NALF1: variants seen among roughly 807,000 people sequenced by gnomAD.
NALF1 encodes the protein NALCN channel auxiliary factor 1.
Under a neutral mutation model 48.4 loss-of-function variants are expected in NALF1, and 3 were observed. That is an observed-to-expected ratio of 0.06 (90% confidence interval 0.03 to 0.16). NALF1 has a LOEUF of 0.16. NALF1 is among the 10% of genes least tolerant of loss of function. The pLI, the probability that NALF1 is intolerant of heterozygous loss-of-function variation, is 1.00. For synonymous variants in NALF1, 262 were observed against 245.7 expected (o/e 1.07, Z -0.62); for missense variants, 526 against 571.5 (o/e 0.92, Z 0.81).
intron 1 of NALF1, among the ~76,000 whole-genome samples, chr13:107,703,083 A>G (rs1881863335): frequency 6.6e-6 from 1 of 152,134 alleles, no homozygotes. Flanking sequence ...TGCTGGGTCA[A>G]ATGGTATTTC....
intron 1 of NALF1, among the ~76,000 whole-genome samples, chr13:107,464,582 G>A (rs932400687): frequency 3.3e-5 from 5 of 151,830 alleles, no homozygotes; most frequent in South Asian, 2.1e-4. Context: ...GTGCAATGGC[G>A]CAATCTCGAC....
intron 1 of NALF1, among the ~76,000 whole-genome samples, chr13:107,803,461 T>TA (rs557221743): frequency 3.9e-5 from 6 of 151,932 alleles, no homozygotes; most frequent in South Asian, 4.2e-4. Context: ...TAAGAACCTT[T>TA]AAAAAAAATG....
intron 1 of NALF1, among the ~76,000 whole-genome samples, chr13:107,425,721 T>C (rs1283165037): frequency 6.6e-6 from 1 of 152,168 alleles, no homozygotes; most frequent in African/African-American, 2.4e-5. Context: ...TACTATGATG[T>C]TGAATATCTG....
chr13:107,230,286 GA>G (rs1488792004), intron 1 of NALF1, among the ~76,000 whole-genome samples: 2 of 151,820 alleles, frequency 1.3e-5, no homozygotes, highest in Non-Finnish European at 2.9e-5. Flanking sequence ...TAAACAGGAA[GA>G]AAAAAATGTA....
chr13:107,434,454 C>T (rs920623147), intron 1 of NALF1, among the ~76,000 whole-genome samples: 6 of 152,112 alleles, frequency 3.9e-5, no homozygotes, highest in Non-Finnish European at 8.8e-5. Flanking sequence ...GGAGACCATA[C>T]GATTTGGATG....
At chr13:107,537,461 G>C (rs899993051) in intron 1 of NALF1, among the ~76,000 whole-genome samples, 5 of 152,112 alleles carry the variant, frequency 3.3e-5, no homozygotes, top group African/African-American at 1.2e-4. Context: ...TTGAACACTT[G>C]ATTTCTATAG....
intron 1 of NALF1, among the ~76,000 whole-genome samples, chr13:107,296,945 T>A (rs1881738331): frequency 6.6e-6 from 1 of 152,082 alleles, no homozygotes; most frequent in Non-Finnish European, 1.5e-5. Flanking sequence ...AAGCACAAGG[T>A]ATTCAGAAAA....
intron 1 of NALF1, among the ~76,000 whole-genome samples, chr13:107,598,598 T>C (rs1878824726): frequency 6.6e-6 from 1 of 152,194 alleles, no homozygotes; most frequent in Non-Finnish European, 1.5e-5. Flanking sequence ...TCAGACTTGT[T>C]TATAAGCAGA....
intron 1 of NALF1, among the ~76,000 whole-genome samples, chr13:107,539,509 C>T (rs1876937342): frequency 6.6e-6 from 1 of 152,134 alleles, no homozygotes; most frequent in Non-Finnish European, 1.5e-5. Context: ...CAAACACCTT[C>T]AGCATAGGGT....
At chr13:107,619,552 G>T (rs978107016) in intron 1 of NALF1, among the ~76,000 whole-genome samples, 1 of 152,112 alleles carries the variant, frequency 6.6e-6, no homozygotes, top group Non-Finnish European at 1.5e-5. Flanking sequence ...ATTTTAACAC[G>T]TTGCATTTTT....
At position 107,178,061 on chromosome 13, in the gene NALF1, C is replaced by T. The variant is rs1878977632; in HGVS notation, c.1088-7275G>A. Among the ~76,000 whole-genome samples the T allele has an allele frequency of 2.0e-5, 3 of 151,896 alleles. No individual in the cohort carries two copies. The South Asian group carries it at 6.2e-4, about 31-fold the overall frequency. On this transcript the variant is annotated intron_variant, in intron 2 of 2. Coordinates refer to ENST00000375915, the MANE Select transcript of NALF1 (RefSeq NM_001080396.3). The stretch of plus-strand genomic sequence containing the variant: ...GACTGTCTCAAAAAAAAAAAGATGA[C>T]TTAAAGACTTAAATCTAATATCTCA...
At chr13:107,740,794 CT>C (rs1302286162) in intron 1 of NALF1, among the ~76,000 whole-genome samples, 1 of 152,072 alleles carries the variant, frequency 6.6e-6, no homozygotes, top group Admixed American at 6.5e-5. Context: ...TCCTTGCTAG[CT>C]TTTTTAGAGA....
chr13:107,343,527 C>G (rs1262754624), intron 1 of NALF1, among the ~76,000 whole-genome samples: 1 of 152,188 alleles, frequency 6.6e-6, no homozygotes, highest in Non-Finnish European at 1.5e-5. Context: ...ACGTGACTTG[C>G]TCCTCCTTGC....
chr13:107,825,965 G>A (rs1041373520), intron 1 of NALF1, among the ~76,000 whole-genome samples: 13 of 152,164 alleles, frequency 8.5e-5, no homozygotes, highest in African/African-American at 3.1e-4. Context: ...ATTTTTAGTA[G>A]AGATGGGGTT....
At chr13:107,209,334 C>A (rs1879709589) in intron 2 of NALF1, among the ~76,000 whole-genome samples, 2 of 152,110 alleles carry the variant, frequency 1.3e-5, no homozygotes, top group Non-Finnish European at 2.9e-5. Context: ...CGGTGAAACA[C>A]CGTCTCTACT....
intron 1 of NALF1, among the ~76,000 whole-genome samples, chr13:107,306,524 A>G (rs1477778627): frequency 6.6e-6 from 1 of 152,224 alleles, no homozygotes; most frequent in Non-Finnish European, 1.5e-5. Context: ...TTGAGGATTA[A>G]GGGAAGTGGC....
intron 1 of NALF1, among the ~76,000 whole-genome samples, chr13:107,481,570 T>G (rs1419033840): frequency 6.6e-6 from 1 of 152,122 alleles, no homozygotes; most frequent in Non-Finnish European, 1.5e-5. Flanking sequence ...TTAAAAACGA[T>G]CTATTAATCA....
At chr13:107,609,308 T>A (rs1288184726) in intron 1 of NALF1, among the ~76,000 whole-genome samples, 1 of 152,182 alleles carries the variant, frequency 6.6e-6, no homozygotes, top group Non-Finnish European at 1.5e-5. Flanking sequence ...CATCATTCTG[T>A]CCTTGCAACC....
intron 1 of NALF1, among the ~76,000 whole-genome samples, chr13:107,631,656 C>A (rs965434210): frequency 6.6e-6 from 1 of 152,038 alleles, no homozygotes; most frequent in Non-Finnish European, 1.5e-5. Flanking sequence ...ACTTGGCTGG[C>A]CAATTGCATT....
Sources: allele counts gnomAD v4.1 joint callset (sites outside exome capture counted in the v4.1 genomes callset), GRCh38; gene constraint gnomAD v4.1.1; transcripts MANE v1.5; gene names NCBI Gene and HGNC (gene_info 2026-07-23, HGNC 2026-07-21).